CEP83: variants seen among roughly 807,000 people sequenced by gnomAD.
CEP83 encodes the protein centrosomal protein of 83 kDa.
Under a neutral mutation model 101.9 loss-of-function variants are expected in CEP83, and 70 were observed. The observed-to-expected ratio is 0.69, with a 90% CI of 0.57 to 0.84. The LOEUF (loss-of-function observed/expected upper bound fraction) is 0.84. Among genes scored for constraint, CEP83 ranks in the 40% least tolerant of loss-of-function variants. CEP83 has a pLI of 0.00. For missense variants in CEP83, 715 were observed against 787.2 expected, an observed-to-expected ratio of 0.91 and a Z score of 1.10; for synonymous variants, 264 against 267.9, an observed-to-expected ratio of 0.99 and a Z score of 0.14.
intron 4 of CEP83, among the ~76,000 whole-genome samples, chr12:94,408,501 T>C (rs1041373364): frequency 6.6e-6 from 1 of 152,104 alleles, no homozygotes; most frequent in South Asian, 2.1e-4. Flanking sequence ...ATGATCCCCA[T>C]ATTTAAAAAG....
chr12:94,344,561 G>A (rs117341566), intron 11 of CEP83, among the ~76,000 whole-genome samples: 6 of 151,998 alleles, frequency 3.9e-5, no homozygotes, highest in Middle Eastern at 6.9e-3. Flanking sequence ...TATATGCAAC[G>A]AACAATTAAG....
At chr12:94,278,387 A>G in the CEP83 span, among the ~76,000 whole-genome samples, 18 of 152,186 alleles carry the variant, frequency 1.2e-4, no homozygotes, top group Admixed American at 6.5e-4. Context: ...TTTTAGATCT[A>G]TTTGTTCTTA....
chr12:94,311,375 C>T (rs1399135044), intron 15 of CEP83, among the ~76,000 whole-genome samples: 2 of 152,170 alleles, frequency 1.3e-5, no homozygotes, highest in Non-Finnish European at 2.9e-5. Flanking sequence ...ATTAACTGAA[C>T]ATGATGAGCA....
intron 13 of CEP83, 138 bp downstream of exon 13, chr12:94,333,344 C>T: frequency 1.5e-6 from 1 of 663,982 alleles, no homozygotes; most frequent in Admixed American, 3.1e-5. Context: ...ATTATTACCT[C>T]AGTAGACCAT....
the CEP83 span, chr12:94,282,084 T>C: frequency 1.0e-5 from 5 of 488,422 alleles, no homozygotes; most frequent in Admixed American, 1.8e-4. Context: ...TCCAGGCTTA[T>C]CAGGGAAGAA....
intron 8 of CEP83, among the ~76,000 whole-genome samples, chr12:94,371,495 T>G (rs75191041): frequency 0.026 from 3,946 of 152,290 alleles, 187 homozygotes; most frequent in African/African-American, 0.091. Flanking sequence ...TATAGTCATA[T>G]AATAAGGATT....
chr12:94,289,658 C>G, the CEP83 span, among the ~76,000 whole-genome samples: 16,296 of 152,182 alleles, frequency 0.11, 1,084 homozygotes, highest in Non-Finnish European at 0.14. Context: ...GGGCACTTTT[C>G]AAAAAGGCAT....
chr12:94,374,646 T>C (rs1341854628), intron 8 of CEP83, among the ~76,000 whole-genome samples: 2 of 152,188 alleles, frequency 1.3e-5, no homozygotes, highest in Admixed American at 6.5e-5. Context: ...CTTACAGATA[T>C]AAGGAAATTG....
chr12:94,450,726 G>A lies in CEP83; in HGVS notation c.-155+8831C>T, dbSNP rs149626904. On this transcript the variant is annotated intron_variant, in intron 1 of 16. Coordinates refer to ENST00000397809, the MANE Select transcript of CEP83 (RefSeq NM_016122.3). ...GAGAAATGAAAGATCTAAGTAAATG[G>A]AGAGATATTACATGTTCATGGATTG... Among the ~76,000 whole-genome samples the A allele has an allele frequency of 8.1e-4, 124 of 152,296 alleles. 1 individual carries two copies. The East Asian group carries it at 0.022, about 27-fold the overall frequency.
rs747525069 is a variant in CEP83, at chr12:94,378,771, G to C, written c.801+20C>G. On this transcript the variant is annotated intron_variant, in intron 7 of 16. Coordinates refer to ENST00000397809, the MANE Select transcript of CEP83 (RefSeq NM_016122.3). ...TAAAAAAGTATGCCATACTCTACTGGGAAGTAATTAGAATCTTACCTCCAG... is the reference window on the plus strand; with the variant it reads ...TAAAAAAGTATGCCATACTCTACTGCGAAGTAATTAGAATCTTACCTCCAG... 9 of 1,612,844 alleles carry C rather than the reference G, an allele frequency of 5.6e-6. No homozygotes were observed. In the South Asian group the frequency reaches 9.9e-5, roughly 18 times the overall value.
chr12:94,399,564 T>C (rs1422145646), intron 6 of CEP83, among the ~76,000 whole-genome samples: 1 of 152,158 alleles, frequency 6.6e-6, no homozygotes, highest in African/African-American at 2.4e-5. Flanking sequence ...TTTGTATTTT[T>C]TGTTTATTTG....
intron 2 of CEP83, among the ~76,000 whole-genome samples, chr12:94,425,490 T>C (rs1027209587): frequency 2.0e-4 from 30 of 152,200 alleles, no homozygotes; most frequent in Non-Finnish European, 1.5e-4. Context: ...CCCCATGTTC[T>C]CCTTACTTGT....
chr12:94,338,761 G>C (rs1275227822), intron 11 of CEP83, among the ~76,000 whole-genome samples: 2 of 152,128 alleles, frequency 1.3e-5, no homozygotes, highest in African/African-American at 4.8e-5. Context: ...AAGTAATTAT[G>C]AAGGCAGAAA....
chr12:94,292,049 C>T, the CEP83 span, among the ~76,000 whole-genome samples: 4 of 152,158 alleles, frequency 2.6e-5, no homozygotes, highest in South Asian at 2.1e-4. Context: ...TAGCATGTAT[C>T]GGTAATTCTT....
the CEP83 span, among the ~76,000 whole-genome samples, chr12:94,290,445 A>AAG: frequency 2.0e-5 from 3 of 152,264 alleles, no homozygotes; most frequent in African/African-American, 7.2e-5. Flanking sequence ...AGAGCTCAGT[A>AAG]AGAGTTAAGA....
At chr12:94,388,729 T>C (rs2062321859) in intron 6 of CEP83, among the ~76,000 whole-genome samples, 1 of 152,262 alleles carries the variant, frequency 6.6e-6, no homozygotes, top group African/African-American at 2.4e-5. Context: ...CATTTCACTT[T>C]TTACATTTTG....
chr12:94,382,691 C>A (rs1485937943), intron 6 of CEP83, among the ~76,000 whole-genome samples: 1 of 151,666 alleles, frequency 6.6e-6, no homozygotes, highest in Non-Finnish European at 1.5e-5. Flanking sequence ...TAGTTTGATT[C>A]TATTGTGGTC....
intron 7 of CEP83, among the ~76,000 whole-genome samples, chr12:94,377,424 C>A (rs1249676943): frequency 6.6e-6 from 1 of 152,120 alleles, no homozygotes; most frequent in African/African-American, 2.4e-5. Flanking sequence ...GGCTTTCACA[C>A]CATCGGACAG....
intron 6 of CEP83, among the ~76,000 whole-genome samples, chr12:94,388,550 C>T (rs999769335): frequency 3.3e-5 from 5 of 151,236 alleles, no homozygotes; most frequent in African/African-American, 1.2e-4. Flanking sequence ...ATGCAATACA[C>T]CTGTGTAACA....
Sources: allele counts gnomAD v4.1 joint callset (sites outside exome capture counted in the v4.1 genomes callset), GRCh38; gene constraint gnomAD v4.1.1; transcripts MANE v1.5; gene names NCBI Gene and HGNC (gene_info 2026-07-23, HGNC 2026-07-21).